The following WDR70 variants were observed in gnomAD, a reference collection of about 807,000 sequenced individuals.
WDR70 encodes WD repeat domain 70.
Under a neutral mutation model 88.6 loss-of-function variants are expected in WDR70, and 53 were observed. That is an observed-to-expected ratio of 0.60 (90% CI 0.48 to 0.75). The LOEUF is 0.75. Ranked by LOEUF, WDR70 falls within the 30% of genes least tolerant of loss-of-function variation. The pLI, the probability that WDR70 is intolerant of heterozygous loss-of-function variation, is 0.00. For missense variants in WDR70, 610 were observed against 823.2 expected (o/e 0.74, Z 3.17); for synonymous variants, 280 against 270.0 (o/e 1.04, Z -0.36).
At chr5:37,621,518 A>C (rs868464340) in intron 10 of WDR70, among the ~76,000 whole-genome samples, 1 of 152,122 alleles carries the variant, frequency 6.6e-6, no homozygotes, top group African/African-American at 2.4e-5. Context: ...TGGCTGCATA[A>C]ATGTCATCTT....
intron 8 of WDR70, among the ~76,000 whole-genome samples, chr5:37,499,587 T>TTCTCTC (rs72226896): frequency 0.039 from 1,623 of 41,484 alleles, 65 homozygotes; most frequent in African/African-American, 0.082. Flanking sequence ...TTTGGAAATA[T>TTCTCTC]TCTCTCTCTC....
intron 10 of WDR70, among the ~76,000 whole-genome samples, chr5:37,629,534 T>C (rs1744756460): frequency 6.6e-6 from 1 of 152,228 alleles, no homozygotes; most frequent in African/African-American, 2.4e-5. Flanking sequence ...CAGAAATTTT[T>C]TCCTCCATTT....
rs1581251219 is a variant in WDR70, at chr5:37,401,718, A to G, written c.492+5148A>G. On this transcript the variant is annotated intron_variant, in intron 5 of 17. Coordinates refer to ENST00000265107, the MANE Select transcript of WDR70 (RefSeq NM_018034.4). ...AGCCATCCTGCCACCTTGACTTTCCAAAGTGTTGGTATTACAGACGTGAGT... is the reference window on the plus strand; with the variant it reads ...AGCCATCCTGCCACCTTGACTTTCCGAAGTGTTGGTATTACAGACGTGAGT... Among the ~76,000 whole-genome samples, 6 of 152,256 alleles carry G rather than the reference A, an allele frequency of 3.9e-5. No individual in the cohort carries two copies. In the South Asian group the frequency reaches 1.0e-3, roughly 26 times the overall value.
At chr5:37,423,360 A>T (rs566455861) in intron 5 of WDR70, among the ~76,000 whole-genome samples, 4 of 147,372 alleles carry the variant, frequency 2.7e-5, no homozygotes, top group Non-Finnish European at 5.9e-5. Flanking sequence ...AAACAAAAAC[A>T]TTAAAAAAAA....
intron 5 of WDR70, among the ~76,000 whole-genome samples, chr5:37,410,688 A>C (rs957544723): frequency 6.6e-6 from 1 of 152,214 alleles, no homozygotes; most frequent in Non-Finnish European, 1.5e-5. Context: ...TACAGAGTAC[A>C]TATTTGTTAA....
intron 8 of WDR70, among the ~76,000 whole-genome samples, chr5:37,516,033 A>G (rs891028241): frequency 8.5e-5 from 13 of 152,220 alleles, no homozygotes; most frequent in African/African-American, 3.1e-4. Context: ...TTACAGAGGC[A>G]TTGTAGAATC....
Position 37,475,266 on chromosome 5 carries a change from G to A in WDR70, c.687-4568G>A, listed in dbSNP as rs59628481. Among the ~76,000 whole-genome samples the A allele has an allele frequency of 9.7e-3, 1,390 of 143,260 alleles. 23 individuals are homozygous for A. The highest frequency in any genetic ancestry group is 0.034 in the African/African-American group (1,322 of 38,900). The allele number at this position is 143,260 out of a possible 152,430, so 94.0% of individuals were successfully genotyped here. On this transcript the variant is annotated intron_variant, in intron 7 of 17. Coordinates refer to ENST00000265107, the MANE Select transcript of WDR70 (RefSeq NM_018034.4). ...TGTTTTGTTTTTTAAATGGAGTTTC[G>A]CTTTTGTTGCCCAGGCTGGAGTGCA...
intron 5 of WDR70, among the ~76,000 whole-genome samples, chr5:37,415,407 G>A (rs1458438518): frequency 9.7e-6 from 1 of 102,666 alleles, no homozygotes. Flanking sequence ...GGCCGGGCGG[G>A]GGGCTGACCC....
chr5:37,637,851 C>A (rs909636405), intron 10 of WDR70, among the ~76,000 whole-genome samples: 8 of 152,206 alleles, frequency 5.3e-5, no homozygotes, highest in African/African-American at 1.9e-4. Context: ...TTTGGCCAAT[C>A]AATTCCATGT....
chr5:37,722,682 T>A, intron 14 of WDR70, 173 bp from the exon 15 acceptor site: 1 of 611,448 alleles, frequency 1.6e-6, no homozygotes, highest in Non-Finnish European at 2.9e-6. Context: ...TTTCCATAAG[T>A]TTAAGCTTTT....
At chr5:37,643,141 A>AT (rs1386938101) in intron 10 of WDR70, among the ~76,000 whole-genome samples, 1 of 151,966 alleles carries the variant, frequency 6.6e-6, no homozygotes, top group African/African-American at 2.4e-5. Context: ...TAAGTCTTTA[A>AT]TTTTTTATTT....
intron 10 of WDR70, among the ~76,000 whole-genome samples, chr5:37,657,810 CT>C (rs1210639996): frequency 1.3e-5 from 2 of 152,162 alleles, no homozygotes; most frequent in Non-Finnish European, 2.9e-5. Flanking sequence ...TTTCTATATT[CT>C]AACCAAACAA....
intron 5 of WDR70, among the ~76,000 whole-genome samples, chr5:37,415,495 GGGGGT>G (rs1301062120): frequency 1.6e-4 from 11 of 70,510 alleles, no homozygotes; most frequent in African/African-American, 6.4e-4. Context: ...AGGGGCGGCT[GGGGGT>G]GGGGGGGGCC....
intron 10 of WDR70, among the ~76,000 whole-genome samples, chr5:37,669,377 C>T (rs1423009576): frequency 2.7e-5 from 4 of 147,016 alleles, no homozygotes; most frequent in Non-Finnish European, 6.0e-5. Context: ...ACATCTTGAC[C>T]TGGAACATAA....
chr5:37,463,707 C>T (rs56008521), intron 7 of WDR70, among the ~76,000 whole-genome samples: 6,824 of 152,248 alleles, frequency 0.045, 206 homozygotes, highest in Non-Finnish European at 0.07. Flanking sequence ...TCTCTTTGAT[C>T]GGAATCTTCG....
chr5:37,478,629 CT>C (rs1252822458), intron 7 of WDR70, among the ~76,000 whole-genome samples: 1 of 152,220 alleles, frequency 6.6e-6, no homozygotes, highest in African/African-American at 2.4e-5. Flanking sequence ...GCAGCAACAA[CT>C]GTTCCACAGG....
chr5:37,499,257 G>A (rs1274913159), intron 8 of WDR70, among the ~76,000 whole-genome samples: 1 of 151,872 alleles, frequency 6.6e-6, no homozygotes, highest in Non-Finnish European at 1.5e-5. Flanking sequence ...GGGATTACAG[G>A]TGTCCACCAC....
At chr5:37,640,005 C>G (rs1026402669) in intron 10 of WDR70, among the ~76,000 whole-genome samples, 12 of 152,194 alleles carry the variant, frequency 7.9e-5, no homozygotes, top group African/African-American at 2.9e-4. Context: ...AGTAACTTGC[C>G]TATTTTACAA....
At chr5:37,587,833 G>C (rs530902056) in intron 9 of WDR70, among the ~76,000 whole-genome samples, 2 of 145,540 alleles carry the variant, frequency 1.4e-5, no homozygotes, top group Non-Finnish European at 3.0e-5. Context: ...AGGCTGGAGT[G>C]CAGTGGCGTG....
Sources: gnomAD v4.1 joint callset for allele counts (sites outside exome capture counted in the v4.1 genomes callset) on GRCh38, gnomAD v4.1.1 for gene constraint, MANE v1.5 for transcripts, NCBI Gene and HGNC (gene_info 2026-07-23, HGNC 2026-07-21) for gene names.